Variants in DLGAP2 observed in about 807,000 individuals in gnomAD.
DLGAP2 encodes disks large-associated protein 2.
A neutral mutation model predicts 100.3 loss-of-function variants in DLGAP2; 26 were observed. That is an observed-to-expected ratio of 0.26 (90% CI 0.19 to 0.36). The LOEUF is 0.36. Ranked by LOEUF, DLGAP2 falls within the 10% of genes least tolerant of loss-of-function variation. DLGAP2 has a pLI of 1.00. For synonymous variants in DLGAP2, 886 were observed against 630.1 expected, an observed-to-expected ratio of 1.41 and a Z score of -6.08; for missense variants, 1,858 against 1,453.2, an observed-to-expected ratio of 1.28 and a Z score of -4.53.
chr8:1,288,794 TAGG>T lies in DLGAP2; in HGVS notation c.106+29915_106+29917del, dbSNP rs112680676. On this transcript the variant is annotated intron_variant, in intron 3 of 14. Coordinates refer to ENST00000637795, the MANE Select transcript of DLGAP2 (RefSeq NM_001346810.2). ...GTTCAGTGTGTGTGTGTGTGGTTGT[TAGG>T]AGGGGAACTAGTTTCGGTTCAGTGT... is the stretch of plus-strand genomic sequence containing the variant. Among the ~76,000 whole-genome samples the T allele has an allele frequency of 2.0e-5, 3 of 151,256 alleles. No individual in the cohort carries two copies. The East Asian group carries it at 5.8e-4, about 29-fold the overall frequency.
Position 1,303,849 on chromosome 8 carries a change from C to T in DLGAP2, c.106+44966C>T, listed in dbSNP as rs181198793. Among the ~76,000 whole-genome samples the T allele has an allele frequency of 8.1e-4, 124 of 152,296 alleles. 1 individual carries two copies. The East Asian group carries it at 0.014, about 17-fold the overall frequency. On this transcript the variant is annotated intron_variant, in intron 3 of 14. Coordinates refer to ENST00000637795, the MANE Select transcript of DLGAP2 (RefSeq NM_001346810.2). ...GGCGGGACTCCCGGGAGGCACCCTG[C>T]AGGTCTGGATGGCCTGCCTCTGGCC...
intron 2 of DLGAP2, among the ~76,000 whole-genome samples, chr8:1,020,761 C>T (rs910667993): frequency 6.6e-6 from 1 of 152,162 alleles, no homozygotes; most frequent in Non-Finnish European, 1.5e-5. Context: ...GCACAGAACC[C>T]AGGGCACAGA....
intron 1 of DLGAP2, among the ~76,000 whole-genome samples, chr8:851,418 C>T (rs1021385859): frequency 2.0e-5 from 3 of 152,152 alleles, no homozygotes; most frequent in Admixed American, 6.5e-5. Flanking sequence ...GTAAGCTCAT[C>T]GCTGCTTTGG....
chr8:836,560 C>T (rs1034567557), intron 1 of DLGAP2, among the ~76,000 whole-genome samples: 15 of 152,192 alleles, frequency 9.9e-5, no homozygotes, highest in African/African-American at 3.6e-4. Flanking sequence ...GCCGGGGTGA[C>T]CCTCTGCAGG....
chr8:942,980 C>T (rs1487500963), intron 2 of DLGAP2, among the ~76,000 whole-genome samples: 1 of 152,226 alleles, frequency 6.6e-6, no homozygotes, highest in Non-Finnish European at 1.5e-5. Context: ...CAGCGCTGCT[C>T]ATCGGAGCCT....
At chr8:1,272,481 A>G (rs944519077) in intron 3 of DLGAP2, among the ~76,000 whole-genome samples, 1 of 151,710 alleles carries the variant, frequency 6.6e-6, no homozygotes, top group Non-Finnish European at 1.5e-5. Context: ...AAACATATAT[A>G]TTACACATAA....
intron 3 of DLGAP2, among the ~76,000 whole-genome samples, chr8:1,448,736 T>C (rs557558737): frequency 6.6e-6 from 1 of 152,232 alleles, no homozygotes; most frequent in Admixed American, 6.5e-5. Context: ...CTTTTTTCAC[T>C]TGGAGACCCA....
intron 1 of DLGAP2, among the ~76,000 whole-genome samples, chr8:866,762 A>G (rs966873631): frequency 2.6e-5 from 4 of 152,162 alleles, no homozygotes; most frequent in Admixed American, 6.5e-5. Context: ...ATTCCTTTCT[A>G]GAATCGACCG....
At chr8:1,062,401 C>T (rs1227388115) in intron 2 of DLGAP2, among the ~76,000 whole-genome samples, 1 of 152,188 alleles carries the variant, frequency 6.6e-6, no homozygotes, top group Non-Finnish European at 1.5e-5. Flanking sequence ...GTGGAAGCTT[C>T]CCTGAGTGTA....
At chr8:1,194,061 G>A (rs1361417217) in intron 2 of DLGAP2, among the ~76,000 whole-genome samples, 1 of 152,146 alleles carries the variant, frequency 6.6e-6, no homozygotes, top group Non-Finnish European at 1.5e-5. Context: ...AAGTCAACGT[G>A]ACAGGTGTGA....
chr8:880,747 A>G (rs1797773454), intron 1 of DLGAP2, among the ~76,000 whole-genome samples: 1 of 152,234 alleles, frequency 6.6e-6, no homozygotes. Flanking sequence ...GAGACTTTGT[A>G]TGTGGGTCCT....
At chr8:753,775 A>G (rs992586915) in intron 1 of DLGAP2, 1 of 152,274 alleles carries the variant, frequency 6.6e-6, no homozygotes, top group Non-Finnish European at 1.5e-5. Flanking sequence ...ATCCAAGATA[A>G]TGAAATAGAT....
At chr8:1,309,285 A>G (rs1284525430) in intron 3 of DLGAP2, among the ~76,000 whole-genome samples, 2 of 152,254 alleles carry the variant, frequency 1.3e-5, no homozygotes, top group Non-Finnish European at 2.9e-5. Context: ...AAACATGAAG[A>G]GATTTGCAAA....
chr8:959,042 A>G (rs908201472), intron 2 of DLGAP2, among the ~76,000 whole-genome samples: 6 of 152,234 alleles, frequency 3.9e-5, no homozygotes, highest in Admixed American at 1.3e-4. Flanking sequence ...AGGGCATGCT[A>G]TGATAATATC....
rs768258315 is a variant in DLGAP2, at chr8:1,025,116, G to A, written c.73+117150G>A. On this transcript the variant is annotated intron_variant, in intron 2 of 14. Coordinates refer to ENST00000637795, the MANE Select transcript of DLGAP2 (RefSeq NM_001346810.2). Reference sequence around the variant, plus strand: ...TATGTGTGTGCGTGTATGTGTGTGCGTGCATGTGCGTGTGCATGTGTGTGT... The same window carrying A: ...TATGTGTGTGCGTGTATGTGTGTGCATGCATGTGCGTGTGCATGTGTGTGT... 1.5e-4 allele frequency among the ~76,000 whole-genome samples: 23 copies of A among 151,876 alleles called. No individual in the cohort carries two copies. The South Asian group carries it at 2.3e-3, about 15-fold the overall frequency.
intron 2 of DLGAP2, among the ~76,000 whole-genome samples, chr8:1,058,685 G>C (rs1802957673): frequency 6.6e-6 from 1 of 152,170 alleles, no homozygotes; most frequent in Non-Finnish European, 1.5e-5. Context: ...GTATGTGGTT[G>C]GTAAATTAGA....
chr8:938,520 G>C (rs1431427517), intron 2 of DLGAP2, among the ~76,000 whole-genome samples: 1 of 152,208 alleles, frequency 6.6e-6, no homozygotes, highest in Admixed American at 6.5e-5. Context: ...GGAGCACACG[G>C]TGGGGGTAGG....
chr8:901,521 C>T (rs78792384), intron 1 of DLGAP2, among the ~76,000 whole-genome samples: 1 of 152,038 alleles, frequency 6.6e-6, no homozygotes, highest in Non-Finnish European at 1.5e-5. Context: ...GGGGCGCAGG[C>T]GGAACATCCA....
intron 2 of DLGAP2, among the ~76,000 whole-genome samples, chr8:940,984 A>G (rs908190649): frequency 6.6e-6 from 1 of 152,120 alleles, no homozygotes; most frequent in African/African-American, 2.4e-5. Context: ...CAGTTCAGGG[A>G]TGCCCCCACC....
Sources: allele counts gnomAD v4.1 joint callset (sites outside exome capture counted in the v4.1 genomes callset), GRCh38; gene constraint gnomAD v4.1.1; transcripts MANE v1.5; gene names NCBI Gene and HGNC (gene_info 2026-07-23, HGNC 2026-07-21).